Variants in GATA4 observed in about 807,000 individuals in gnomAD.
GATA4 encodes GATA binding protein 4.
Under a neutral mutation model 37.9 loss-of-function variants are expected in GATA4, and 7 were observed. The ratio of observed to expected loss-of-function variants is 0.18; its 90% confidence interval spans 0.11 to 0.35. The LOEUF is 0.35. Ranked by LOEUF, GATA4 falls within the 10% of genes least tolerant of loss-of-function variation. GATA4 has a pLI of 1.00. For missense variants in GATA4, 647 were observed against 653.0 expected (o/e 0.99, Z 0.10); for synonymous variants, 372 against 292.6 (o/e 1.27, Z -2.77).
intron 2 of GATA4, among the ~76,000 whole-genome samples, chr8:11,716,651 G>C (rs549553106): frequency 6.6e-6 from 1 of 152,288 alleles, no homozygotes; most frequent in Non-Finnish European, 1.5e-5. Context: ...CCACTTGTGG[G>C]CACAAACAGT....
At chr8:11,720,337 G>A (rs1164205236) in intron 2 of GATA4, among the ~76,000 whole-genome samples, 2 of 152,022 alleles carry the variant, frequency 1.3e-5, no homozygotes, top group Admixed American at 6.5e-5. Flanking sequence ...CTGTGCCTGC[G>A]TGGACATCAA....
chr8:11,727,260 C>T (rs1287275061), intron 2 of GATA4, among the ~76,000 whole-genome samples: 2 of 152,136 alleles, frequency 1.3e-5, no homozygotes, highest in African/African-American at 4.8e-5. Context: ...AAACACATCT[C>T]CAGGAGTGGC....
chr8:11,743,566 G>A (rs13275657), intron 2 of GATA4, among the ~76,000 whole-genome samples: 28,325 of 152,198 alleles, frequency 0.19, 3,651 homozygotes, highest in East Asian at 0.56. Context: ...AGTGGAGAGC[G>A]GAACCGTGAC....
intron 1 of GATA4, chr8:11,697,937 G>A (rs1799554195): frequency 2.0e-6 from 2 of 985,482 alleles, no homozygotes; most frequent in Non-Finnish European, 2.4e-6. Context: ...TGTGCGCGTT[G>A]AGGTCTTGGG....
At chr8:11,741,926 G>C (rs1255022467) in intron 2 of GATA4, among the ~76,000 whole-genome samples, 6 of 152,222 alleles carry the variant, frequency 3.9e-5, no homozygotes, top group Non-Finnish European at 5.9e-5. Context: ...CAAGGCATCT[G>C]TGGGCAGCGC....
intron 2 of GATA4, among the ~76,000 whole-genome samples, chr8:11,732,409 C>G (rs1284519243): frequency 6.6e-6 from 1 of 152,174 alleles, no homozygotes; most frequent in Non-Finnish European, 1.5e-5. Context: ...TGCAGAGAAG[C>G]TCCGTTTCAT....
Position 11,749,100 on chromosome 8 carries a change from C to T in GATA4, c.786+15C>T, listed in dbSNP as rs374933423. 49 of 1,613,474 alleles carry T rather than the reference C, an allele frequency of 3.0e-5. No individual in the cohort carries two copies. The highest frequency in any genetic ancestry group is 1.6e-4 in the Middle Eastern group (1 of 6,078). On this transcript the variant is annotated intron_variant, in intron 3 of 6. Transcript: ENST00000532059. The surrounding 1 kb of genome is among the most constrained non-coding windows in gnomAD (Gnocchi z 4.6). ...AGCGCCGGCTGGTAAGCACGTGCCT[C>T]GCAGCCTCCTCTGGGCACCTGGCTG...
intron 2 of GATA4, among the ~76,000 whole-genome samples, chr8:11,722,783 T>C (rs1340689923): frequency 6.6e-6 from 1 of 152,248 alleles, no homozygotes; most frequent in Non-Finnish European, 1.5e-5. Flanking sequence ...GCTCATTGCC[T>C]AGACCCTTTA....
At chr8:11,746,628 C>G (rs565355598) in intron 2 of GATA4, among the ~76,000 whole-genome samples, 1 of 152,214 alleles carries the variant, frequency 6.6e-6, no homozygotes, top group East Asian at 1.9e-4. Flanking sequence ...TCTTTAATCC[C>G]CTCATGGGCA....
At chr8:11,727,814 G>A (rs1331953867) in intron 2 of GATA4, among the ~76,000 whole-genome samples, 1 of 151,608 alleles carries the variant, frequency 6.6e-6, no homozygotes, top group Non-Finnish European at 1.5e-5. Context: ...GTGACAGAGT[G>A]AGACTCTGTC....
rs1799377075 is a variant in GATA4 at position 11,693,129 on chromosome 8, T to C, written c.-729+469T>C. 4 of 952,320 alleles carry C rather than the reference T, an allele frequency of 4.2e-6. No homozygotes were observed. The South Asian group carries it at 1.5e-4, about 35-fold the overall frequency. 59.0% of individuals were successfully genotyped at this position (952,320 alleles called of 1,614,324 possible). ...TCTTAATCCCAGTGTCTGTTAACGATGTGGTGTTCATTTGTTCCTAAAGAG... is the reference window on the plus strand; with the variant it reads ...TCTTAATCCCAGTGTCTGTTAACGACGTGGTGTTCATTTGTTCCTAAAGAG... On this transcript the variant is annotated intron_variant, in intron 1 of 2. Transcript: ENST00000526974.
At chr8:11,703,750 C>G (rs1352127295), upstream of GATA4, among the ~76,000 whole-genome samples, 1 of 152,206 alleles carries the variant, frequency 6.6e-6, no homozygotes, top group African/African-American at 2.4e-5. Context: ...CCCCACTACC[C>G]CTGCCCAGGA....
chr8:11,696,645 C>T (rs937228025), intron 1 of GATA4, among the ~76,000 whole-genome samples: 1 of 152,184 alleles, frequency 6.6e-6, no homozygotes, highest in East Asian at 1.9e-4. Flanking sequence ...TGTCCTGAAG[C>T]TCATTGCAAA....
intron 2 of GATA4, among the ~76,000 whole-genome samples, chr8:11,717,604 GGGCACTT>G: frequency 6.6e-6 from 1 of 152,282 alleles, no homozygotes; most frequent in South Asian, 2.1e-4. Context: ...TCTGATATGA[GGGCACTT>G]GGCTCTTCAG....
intron 1 of GATA4, among the ~76,000 whole-genome samples, chr8:11,696,675 T>G (rs1563192148): frequency 6.6e-6 from 1 of 152,226 alleles, no homozygotes; most frequent in Non-Finnish European, 1.5e-5. Context: ...TGCTGGGGCA[T>G]GTTCAAAGAC....
At chr8:11,683,606 C>A (rs953302240) in intron 1 of GATA4, among the ~76,000 whole-genome samples, 1 of 152,202 alleles carries the variant, frequency 6.6e-6, no homozygotes, top group Non-Finnish European at 1.5e-5. Context: ...CTTTCCTCTG[C>A]GCTGGGCGTT....
At chr8:11,724,503 C>G (rs1000395217) in intron 2 of GATA4, among the ~76,000 whole-genome samples, 2 of 152,214 alleles carry the variant, frequency 1.3e-5, no homozygotes, top group African/African-American at 4.8e-5. Flanking sequence ...TTCTGTATGT[C>G]ATAACATCCT....
chr8:11,720,761 C>G (rs1478197808), intron 2 of GATA4, among the ~76,000 whole-genome samples: 1 of 151,574 alleles, frequency 6.6e-6, no homozygotes. Flanking sequence ...TGTATGTTCC[C>G]TCAAGAGACC....
intron 1 of GATA4, chr8:11,698,095 TCCTCTCCCAGGAGGTCCTGG>T: frequency 2.4e-6 from 2 of 818,510 alleles, no homozygotes; most frequent in Admixed American, 6.2e-5. Context: ...CTGGCGTCCG[TCCTCTCCCAGGAGGTCCTGG>T]CCTCTCTCTG....
Sources: gnomAD v4.1 joint callset for allele counts (sites outside exome capture counted in the v4.1 genomes callset) on GRCh38, gnomAD v4.1.1 for gene constraint, Gnocchi (gnomAD v3.1) non-coding constraint, MANE v1.5 for transcripts, NCBI Gene and HGNC (gene_info 2026-07-23, HGNC 2026-07-21) for gene names.